The following B3GLCT variants were observed in gnomAD, a reference collection of about 807,000 sequenced individuals.
B3GLCT encodes the protein beta-1,3-glucosyltransferase.
In B3GLCT, 65 loss-of-function variants were observed where a neutral mutation model predicts 63.4. That is an observed-to-expected ratio of 1.03 (90% CI 0.84 to 1.26). The LOEUF (loss-of-function observed/expected upper bound fraction) is 1.26. Ranked by LOEUF, B3GLCT falls within the 50% of genes most tolerant of loss-of-function variation. B3GLCT has a pLI of 0.00. For synonymous variants in B3GLCT, 233 were observed against 219.2 expected (o/e 1.06, Z -0.55); for missense variants, 577 against 604.8 (o/e 0.95, Z 0.48).
chr13:31,268,703 C>T (rs571106435), intron 7 of B3GLCT, among the ~76,000 whole-genome samples: 23 of 152,124 alleles, frequency 1.5e-4, no homozygotes, highest in Admixed American at 1.2e-3. Context: ...AAGACTGGCT[C>T]AGGAGTTTGG....
chr13:31,315,225 T>G (rs1278752087), intron 12 of B3GLCT, among the ~76,000 whole-genome samples: 1 of 152,182 alleles, frequency 6.6e-6, no homozygotes, highest in Non-Finnish European at 1.5e-5. Context: ...AGGCAGAGGT[T>G]GGAACAGTTT....
chr13:31,255,128 T>G (rs566833180), intron 6 of B3GLCT, among the ~76,000 whole-genome samples: 2 of 151,576 alleles, frequency 1.3e-5, no homozygotes, highest in East Asian at 3.9e-4. Context: ...CAAAATCAAG[T>G]GCAGAAATCA....
At chr13:31,233,864 A>G (rs552533982) in intron 4 of B3GLCT, among the ~76,000 whole-genome samples, 1 of 152,318 alleles carries the variant, frequency 6.6e-6, no homozygotes, top group Non-Finnish European at 1.5e-5. Context: ...GAATTTATCT[A>G]TGAACCTCTC....
intron 2 of B3GLCT, among the ~76,000 whole-genome samples, chr13:31,222,566 G>A (rs1566047148): frequency 6.6e-6 from 1 of 152,210 alleles, no homozygotes; most frequent in African/African-American, 2.4e-5. Context: ...TGCCAGGTTC[G>A]AGACTATCCT....
chr13:31,323,961 T>C, intron 14 of B3GLCT, 66 bp downstream of exon 14: 2 of 1,578,304 alleles, frequency 1.3e-6, no homozygotes, highest in Non-Finnish European at 1.7e-6. Context: ...ACTTAAGGAT[T>C]TGACTTCTTT....
chr13:31,200,143 C>T lies in B3GLCT; in HGVS notation c.59C>T (p.Thr20Ile). 7.4e-7 allele frequency: 1 copy of T among 1,358,446 alleles called. No individual in the cohort carries two copies. Among genetic ancestry groups the T allele is most frequent in the Middle Eastern group, 2.8e-4 (1 of 3,632 alleles). 84.1% of individuals were successfully genotyped at this position (1,358,446 alleles called of 1,614,324 possible). Residue 20 changes from threonine (T) to isoleucine (I), a missense_variant, in exon 1 of 15, where the codon ACC becomes ATC. Physicochemically the swap from Thr to Ile is moderately conservative, Grantham distance 89 (BLOSUM62 -1). Coordinates refer to ENST00000343307, the MANE Select transcript of B3GLCT (RefSeq NM_194318.4). ...LAPPALLALLTCSLAFGLASE... is the reference protein window; with the variant it reads ...LAPPALLALLICSLAFGLASE... ...CCGCCGGCGCTGCTCGCGCTCCTCA[C>T]CTGCTCCCTGGGTAAGTAGCGGGCG...
chr13:31,304,544 C>CA (rs1874346705), intron 12 of B3GLCT, among the ~76,000 whole-genome samples: 1 of 61,290 alleles, frequency 1.6e-5, no homozygotes, highest in South Asian at 7.2e-4. Context: ...TCTGATAAAA[C>CA]AGACTTTAAA....
intron 6 of B3GLCT, among the ~76,000 whole-genome samples, chr13:31,249,221 A>G (rs1871323180): frequency 6.6e-6 from 1 of 152,254 alleles, no homozygotes; most frequent in Non-Finnish European, 1.5e-5. Flanking sequence ...TTACTATAAT[A>G]GAAACCACTG....
rs985592764 is a variant in B3GLCT at position 31,284,812 on chromosome 13, A to G, written c.964+51A>G. ...CTTATTAAACATTGCCATTCTGTAA[A>G]TACAGTAAATTAGGTTAGGATAAAA... On this transcript the variant is annotated intron_variant, in intron 11 of 14. Transcript: ENST00000343307. The G allele has an allele frequency of 3.9e-6, 4 of 1,029,076 alleles. No homozygotes were observed. In the African/African-American group the frequency reaches 6.3e-5, roughly 16 times the overall value. 63.7% of individuals were successfully genotyped at this position (1,029,076 alleles called of 1,614,324 possible).
At chr13:31,208,574 C>T (rs1869091796) in intron 1 of B3GLCT, among the ~76,000 whole-genome samples, 3 of 143,748 alleles carry the variant, frequency 2.1e-5, no homozygotes, top group Admixed American at 2.1e-4. Flanking sequence ...TCACCCCCCA[C>T]CCGGGTGCTC....
rs1157422682 is a variant in B3GLCT, at chr13:31,200,012, A to C, written c.-73A>C. On this transcript the variant is annotated 5_prime_UTR_variant, in exon 1 of 15. Coordinates refer to ENST00000343307, the MANE Select transcript of B3GLCT (RefSeq NM_194318.4). ...GCCGCGGCGGCAGGGCGGCGGCGGC[A>C]GCGGCGCAGCTCCGCTCCCCGCGCG... 8 of 938,004 alleles carry C rather than the reference A, an allele frequency of 8.5e-6. No individual in the cohort carries two copies. Among genetic ancestry groups the C allele is most frequent in the African/African-American group, 1.8e-5 (1 of 56,866 alleles). The allele number at this position is 938,004 out of a possible 1,614,324, so 58.1% of individuals were successfully genotyped here.
chr13:31,274,529 C>G lies in B3GLCT; in HGVS notation c.681C>G (p.Asp227Glu), dbSNP rs1301076657. ...GGCAGATTGCCCTCTACATCTGGGA[C>G]AAAGGCGGAGGACCTCCCCTGACCC... is the stretch of plus-strand genomic sequence containing the variant. Reference protein sequence around the residue: ...LKHEIALYIWDKGGGPPLTPV... With the variant: ...LKHEIALYIWEKGGGPPLTPV... Residue 227 changes from aspartate (D) to glutamate (E), a missense_variant, in exon 9 of 15, where the codon GAC becomes GAG. Transcript: ENST00000343307. 1 of 1,614,094 alleles carries G rather than the reference C, an allele frequency of 6.2e-7. No individual in the cohort carries two copies. The highest frequency in any genetic ancestry group is 1.3e-5 in the African/African-American group (1 of 74,948).
chr13:31,244,352 C>T (rs996287286), intron 4 of B3GLCT, among the ~76,000 whole-genome samples: 3 of 152,144 alleles, frequency 2.0e-5, no homozygotes, highest in Admixed American at 6.5e-5. Context: ...ATTAGCCAGG[C>T]GTGGTGGTGC....
At chr13:31,225,187 G>C (rs181388800) in intron 3 of B3GLCT, among the ~76,000 whole-genome samples, 43 of 152,354 alleles carry the variant, frequency 2.8e-4, no homozygotes, top group Admixed American at 1.8e-3. Context: ...ATTCCTGGGG[G>C]AGAAACAATG....
At chr13:31,222,607 A>C (rs1432503690) in intron 2 of B3GLCT, among the ~76,000 whole-genome samples, 1 of 152,202 alleles carries the variant, frequency 6.6e-6, no homozygotes, top group Non-Finnish European at 1.5e-5. Flanking sequence ...TATGGTTTAC[A>C]GGGCTTTAAA....
At chr13:31,264,423 G>A (rs1355478) in intron 7 of B3GLCT, among the ~76,000 whole-genome samples, 7,108 of 152,176 alleles carry the variant, frequency 0.047, 180 homozygotes, top group Non-Finnish European at 0.051. Context: ...CGTAGAATGT[G>A]TATAGTTCAT....
chr13:31,319,805 C>T (rs966402312), intron 13 of B3GLCT, among the ~76,000 whole-genome samples: 1 of 152,218 alleles, frequency 6.6e-6, no homozygotes, highest in Non-Finnish European at 1.5e-5. Flanking sequence ...ACACTCAACA[C>T]CTTGTCATTT....
At chr13:31,220,474 T>A (rs540977312) in intron 2 of B3GLCT, among the ~76,000 whole-genome samples, 1 of 152,334 alleles carries the variant, frequency 6.6e-6, no homozygotes, top group African/African-American at 2.4e-5. Flanking sequence ...ATTGATAGCG[T>A]AAGAAACATC....
intron 1 of B3GLCT, among the ~76,000 whole-genome samples, chr13:31,204,068 G>A (rs1279904764): frequency 6.6e-6 from 1 of 152,236 alleles, no homozygotes; most frequent in East Asian, 1.9e-4. Context: ...CGAAAGGCAA[G>A]GTGATGTTAA....
Sources: gnomAD v4.1 joint callset for allele counts (sites outside exome capture counted in the v4.1 genomes callset) on GRCh38, gnomAD v4.1.1 for gene constraint, MANE v1.5 for transcripts, NCBI Gene and HGNC (gene_info 2026-07-23, HGNC 2026-07-21) for gene names.